The following GRM1 variants were observed in gnomAD, a reference collection of about 807,000 sequenced individuals.
The protein encoded by GRM1 is glutamate metabotropic receptor 1, also known as metabotropic glutamate receptor 1.
In GRM1, 33 loss-of-function variants were observed where a neutral mutation model predicts 90.9. That is an observed-to-expected ratio of 0.36 (90% confidence interval 0.28 to 0.49). The LOEUF (loss-of-function observed/expected upper bound fraction) is 0.49. Among genes scored for constraint, GRM1 ranks in the 20% least tolerant of loss-of-function variants. GRM1 has a pLI of 0.99. For synonymous variants in GRM1, 700 were observed against 613.2 expected, an observed-to-expected ratio of 1.14 and a Z score of -2.09; for missense variants, 1,190 against 1,534.3, an observed-to-expected ratio of 0.78 and a Z score of 3.75.
intron 2 of GRM1, among the ~76,000 whole-genome samples, chr6:146,213,281 G>A (rs1425647135): frequency 6.6e-6 from 1 of 152,096 alleles, no homozygotes; most frequent in Non-Finnish European, 1.5e-5. Context: ...GAGAGGGTTG[G>A]AGTGTCCAGA....
intron 2 of GRM1, among the ~76,000 whole-genome samples, chr6:146,271,303 C>T (rs901243031): frequency 5.3e-5 from 8 of 152,108 alleles, no homozygotes; most frequent in African/African-American, 1.9e-4. Flanking sequence ...TGTGCCCGGC[C>T]AGAGTTTCAT....
intron 5 of GRM1, among the ~76,000 whole-genome samples, chr6:146,377,657 T>A (rs1157594789): frequency 6.6e-6 from 1 of 152,150 alleles, no homozygotes; most frequent in African/African-American, 2.4e-5. Context: ...GAAGTTTGCA[T>A]AAGCAATGAG....
At chr6:146,245,403 T>G (rs928038771) in intron 2 of GRM1, among the ~76,000 whole-genome samples, 1 of 152,188 alleles carries the variant, frequency 6.6e-6, no homozygotes, top group Non-Finnish European at 1.5e-5. Context: ...TTCTAAAATT[T>G]CAAGGTTTCT....
intron 5 of GRM1, among the ~76,000 whole-genome samples, chr6:146,373,917 T>C (rs1448058012): frequency 6.6e-6 from 1 of 152,106 alleles, no homozygotes; most frequent in East Asian, 1.9e-4. Flanking sequence ...GCAGTGCTGA[T>C]AGTGAGTATC....
chr6:146,293,167 G>A (rs947961276), intron 2 of GRM1, among the ~76,000 whole-genome samples: 3 of 151,876 alleles, frequency 2.0e-5, no homozygotes, highest in African/African-American at 7.2e-5. Flanking sequence ...GTATTTTGGG[G>A]TAATGAAAAT....
At chr6:146,327,525 G>C (rs1013234349) in intron 3 of GRM1, among the ~76,000 whole-genome samples, 1 of 152,174 alleles carries the variant, frequency 6.6e-6, no homozygotes, top group African/African-American at 2.4e-5. Context: ...AGCATTTTCC[G>C]TAACATACTT....
intron 2 of GRM1, among the ~76,000 whole-genome samples, chr6:146,232,379 T>C (rs1780478194): frequency 6.6e-6 from 1 of 152,056 alleles, no homozygotes; most frequent in Non-Finnish European, 1.5e-5. Context: ...GTTTTTAATT[T>C]TTTTAAATTT....
chr6:146,397,473 C>CAAAAAAAAAAAAAAAAAAAA (rs1195779695), intron 6 of GRM1, among the ~76,000 whole-genome samples: 2 of 16,772 alleles, frequency 1.2e-4, no homozygotes, highest in Admixed American at 6.8e-4. Context: ...GACCCCGTCT[C>CAAAAAAAAAAAAAAAAAAAA]AAAAAAAAAA....
In GRM1 at chr6:146,399,348, A is replaced by G; in HGVS notation, c.2309A>G (p.Tyr770Cys). 6.2e-7 allele frequency: 1 copy of G among 1,614,090 alleles called. No individual in the cohort carries two copies. The highest frequency in any genetic ancestry group is 8.5e-7 in the Non-Finnish European group (1 of 1,180,000). Residue 770 changes from tyrosine (Y) to cysteine (C), a missense_variant, in exon 7 of 8, where the codon TAT (tyrosine) becomes TGT (cysteine). Around this residue, in one of 10 missense-constraint regions of GRM1, gnomAD observed 73 missense variants for 150.6 expected, o/e 0.48. Coordinates refer to ENST00000282753, the MANE Select transcript of GRM1 (RefSeq NM_001278064.2). The surrounding 1 kb of genome is among the most constrained non-coding windows in gnomAD (Gnocchi z 5.4). ...NGLLIMSCTY[Y>C]AFKTRNVPAN... ...CTCCTCATCATGAGCTGTACCTACT[A>G]TGCCTTCAAGACCCGCAACGTGCCC...
chr6:146,408,443 A>G (rs115268214), intron 7 of GRM1, among the ~76,000 whole-genome samples: 1,938 of 152,262 alleles, frequency 0.013, 47 homozygotes, highest in African/African-American at 0.045. Flanking sequence ...TAGGGTTCTG[A>G]GGAGGATAAA....
chr6:146,099,509 T>C (rs1776978827), intron 1 of GRM1, among the ~76,000 whole-genome samples: 1 of 152,232 alleles, frequency 6.6e-6, no homozygotes, highest in Admixed American at 6.5e-5. Context: ...TGATTATCCC[T>C]GCCAGTTGCA....
At chr6:146,160,751 A>C (rs1328096241) in intron 2 of GRM1, among the ~76,000 whole-genome samples, 2 of 152,172 alleles carry the variant, frequency 1.3e-5, no homozygotes, top group Non-Finnish European at 2.9e-5. Flanking sequence ...GGTATAAGAC[A>C]CTTGAGGGAC....
At chr6:146,178,870 C>G (rs1778432630) in intron 2 of GRM1, among the ~76,000 whole-genome samples, 1 of 152,160 alleles carries the variant, frequency 6.6e-6, no homozygotes, top group African/African-American at 2.4e-5. Flanking sequence ...CTGGCTGGCA[C>G]TGCTAAGGTG....
In GRM1 at chr6:146,320,439, G is replaced by A. The variant is rs558523053; in HGVS notation, c.1186+15593G>A. Among the ~76,000 whole-genome samples the A allele has an allele frequency of 1.5e-3, 222 of 152,152 alleles. 1 individual carries two copies. The highest frequency in any genetic ancestry group is 4.5e-3 in the African/African-American group (187 of 41,510). On this transcript the variant is annotated intron_variant, in intron 3 of 7. Coordinates refer to ENST00000282753, the MANE Select transcript of GRM1 (RefSeq NM_001278064.2). Reference sequence around the variant, plus strand: ...GCCTGAAATTTTCTTTTTTTGTTGTGTCTCTGCCAGATTTTGGTATCAGGA... The same window carrying A: ...GCCTGAAATTTTCTTTTTTTGTTGTATCTCTGCCAGATTTTGGTATCAGGA...
At position 146,434,029 on chromosome 6, in the gene GRM1, T is replaced by G; in HGVS notation, c.2818T>G (p.Ser940Ala). 6.2e-7 allele frequency: 1 copy of G among 1,614,104 alleles called. No individual in the cohort carries two copies. Among genetic ancestry groups the G allele is most frequent in the Non-Finnish European group, 8.5e-7 (1 of 1,180,040 alleles). Residue 940 changes from serine (S) to alanine (A), a missense_variant, in exon 8 of 8, where the codon TCT becomes GCT. Physicochemically the swap from Ser to Ala is moderately conservative, Grantham distance 99 (BLOSUM62 1). This residue lies in a region of GRM1 where 400 missense variants were observed against 360.8 expected (regional missense o/e 1.11). Coordinates refer to ENST00000282753, the MANE Select transcript of GRM1 (RefSeq NM_001278064.2). ...GCCCCTCACTAAAAGTTACCAAGGC[T>G]CTGGCAAGAGCCTGACCTTTTCAGA... Reference protein sequence around the residue: ...IKPLTKSYQGSGKSLTFSDTS... With the variant: ...IKPLTKSYQGAGKSLTFSDTS...
At chr6:146,109,600 A>G (rs1562468735) in intron 1 of GRM1, among the ~76,000 whole-genome samples, 1 of 152,202 alleles carries the variant, frequency 6.6e-6, no homozygotes, top group African/African-American at 2.4e-5. Context: ...CCCCATGCAG[A>G]GTCACTACTG....
chr6:146,072,992 T>C (rs951755463), intron 1 of GRM1, among the ~76,000 whole-genome samples: 21 of 152,166 alleles, frequency 1.4e-4, no homozygotes, highest in Admixed American at 6.6e-5. Context: ...TGAATATGTA[T>C]ACTCAGATGC....
At chr6:146,080,551 G>A (rs1308379684) in intron 1 of GRM1, among the ~76,000 whole-genome samples, 1 of 152,146 alleles carries the variant, frequency 6.6e-6, no homozygotes, top group East Asian at 1.9e-4. Flanking sequence ...AAGAGTAAAA[G>A]ATGTTGAGGG....
intron 1 of GRM1, among the ~76,000 whole-genome samples, chr6:146,044,134 T>C (rs1200747063): frequency 6.6e-6 from 1 of 151,970 alleles, no homozygotes; most frequent in East Asian, 1.9e-4. Flanking sequence ...ATTTTGTCCC[T>C]TTTTGACAGG....
Sources: allele counts gnomAD v4.1 joint callset (sites outside exome capture counted in the v4.1 genomes callset), GRCh38; gene constraint gnomAD v4.1.1; regional missense constraint gnomAD v4.1.1; non-coding constraint Gnocchi (gnomAD v3.1); transcripts MANE v1.5; gene names NCBI Gene and HGNC (gene_info 2026-07-23, HGNC 2026-07-21).